FUT9: variants seen among roughly 807,000 people sequenced by gnomAD.
FUT9 encodes the protein 4-galactosyl-N-acetylglucosaminide 3-alpha-L-fucosyltransferase 9.
FUT9 carries 15 observed loss-of-function variants against 29.7 expected under a neutral mutation model. The observed-to-expected ratio is 0.51, with a 90% CI of 0.34 to 0.78. FUT9 has a LOEUF of 0.78. FUT9 is among the 30% of genes least tolerant of loss of function. The probability of loss-of-function intolerance (pLI) is 0.01; values close to 1 mark genes in which losing one functional copy is unlikely to be tolerated. For missense variants in FUT9, 319 were observed against 425.4 expected (o/e 0.75, Z 2.20); for synonymous variants, 169 against 153.7 (o/e 1.10, Z -0.74).
intron 1 of FUT9, among the ~76,000 whole-genome samples, chr6:96,029,288 G>A (rs549986811): frequency 6.6e-6 from 1 of 151,516 alleles, no homozygotes; most frequent in Non-Finnish European, 1.5e-5. Context: ...AATCCCTGAC[G>A]CAAGGGTAGT....
At chr6:96,181,181 A>T (rs1464451721) in intron 2 of FUT9, among the ~76,000 whole-genome samples, 1 of 152,066 alleles carries the variant, frequency 6.6e-6, no homozygotes, top group South Asian at 2.1e-4. Flanking sequence ...AGTTAATATA[A>T]AAATCACATT....
intron 2 of FUT9, among the ~76,000 whole-genome samples, chr6:96,143,336 T>G (rs1772501010): frequency 6.6e-6 from 1 of 152,348 alleles, no homozygotes; most frequent in South Asian, 2.1e-4. Context: ...ATTTTGGTTG[T>G]TTCTAAGACA....
chr6:96,031,965 G>A (rs1453814948), intron 1 of FUT9, among the ~76,000 whole-genome samples: 1 of 151,516 alleles, frequency 6.6e-6, no homozygotes, highest in Non-Finnish European at 1.5e-5. Context: ...GTGGCCTATG[G>A]CTTTCCAGTT....
chr6:96,080,569 G>A (rs578118183), intron 1 of FUT9, among the ~76,000 whole-genome samples: 3 of 151,922 alleles, frequency 2.0e-5, no homozygotes, highest in African/African-American at 7.2e-5. Flanking sequence ...ATAAAAATAA[G>A]GTATTTAAAT....
At chr6:96,017,444 T>C (rs1034442743) in intron 1 of FUT9, among the ~76,000 whole-genome samples, 2 of 152,202 alleles carry the variant, frequency 1.3e-5, no homozygotes, top group African/African-American at 2.4e-5. Flanking sequence ...TTGTGTTCGA[T>C]GAATGAATAT....
At chr6:96,099,499 A>G (rs1475474263) in intron 1 of FUT9, among the ~76,000 whole-genome samples, 1 of 152,078 alleles carries the variant, frequency 6.6e-6, no homozygotes, top group African/African-American at 2.4e-5. Context: ...AACACTTCAG[A>G]AAAATAGTTG....
intron 2 of FUT9, among the ~76,000 whole-genome samples, chr6:96,165,171 C>T (rs1044437659): frequency 2.6e-5 from 4 of 152,144 alleles, no homozygotes; most frequent in African/African-American, 7.2e-5. Context: ...GTGGTTCACA[C>T]CTGTAATCCC....
intron 2 of FUT9, among the ~76,000 whole-genome samples, 155 bp downstream of exon 2, chr6:96,114,282 CT>C (rs1180597243): frequency 6.6e-6 from 1 of 151,944 alleles, no homozygotes; most frequent in Non-Finnish European, 1.5e-5. Context: ...ATGAGGAGAT[CT>C]TTTATAAACT....
At chr6:96,021,410 C>T (rs967612477) in intron 1 of FUT9, among the ~76,000 whole-genome samples, 7 of 151,708 alleles carry the variant, frequency 4.6e-5, no homozygotes, top group Admixed American at 6.6e-5. Context: ...GGAAATGTAA[C>T]TAAGTATATA....
At chr6:96,114,923 T>G (rs1771882469) in intron 2 of FUT9, among the ~76,000 whole-genome samples, 1 of 152,172 alleles carries the variant, frequency 6.6e-6, no homozygotes, top group South Asian at 2.1e-4. Context: ...GTTTAGGGTG[T>G]CAGGAGATGC....
At chr6:96,043,329 C>T (rs1770502832) in intron 1 of FUT9, among the ~76,000 whole-genome samples, 2 of 152,162 alleles carry the variant, frequency 1.3e-5, no homozygotes. Flanking sequence ...GGATTACAGG[C>T]GTGAGCCACC....
rs1773956868 is a variant in FUT9, at chr6:96,212,491, A to T, written c.*8256A>T. On this transcript the variant is annotated 3_prime_UTR_variant, in exon 3 of 3. Transcript: ENST00000302103. ...TGTGATTTTAAAATAATTAATCAAAAAACAAAGACTATCATATTTGAGAAC... is the reference window on the plus strand; with the variant it reads ...TGTGATTTTAAAATAATTAATCAAATAACAAAGACTATCATATTTGAGAAC... 5 of 409,308 alleles carry T rather than the reference A, an allele frequency of 1.2e-5. No homozygotes were observed. The highest frequency in any genetic ancestry group is 1.8e-5 in the Non-Finnish European group (4 of 223,718). The allele number at this position is 409,308 out of a possible 1,614,324, so 25.4% of individuals were successfully genotyped here.
intron 2 of FUT9, among the ~76,000 whole-genome samples, chr6:96,150,222 T>C (rs953933630): frequency 7.9e-5 from 12 of 152,062 alleles, no homozygotes; most frequent in Non-Finnish European, 1.8e-4. Flanking sequence ...AAAATGACAT[T>C]AGAATTCAGA....
At chr6:96,070,636 G>A (rs1427130855) in intron 1 of FUT9, among the ~76,000 whole-genome samples, 2 of 152,022 alleles carry the variant, frequency 1.3e-5, no homozygotes, top group Admixed American at 6.6e-5. Context: ...ACAGTGAGCC[G>A]AGATTGTGCC....
At chr6:96,190,742 T>C (rs1051909303) in intron 2 of FUT9, among the ~76,000 whole-genome samples, 2 of 152,228 alleles carry the variant, frequency 1.3e-5, no homozygotes, top group African/African-American at 4.8e-5. Flanking sequence ...TCTTGTGCCA[T>C]GGTTTTCCGC....
chr6:96,183,186 A>T (rs1040813524), intron 2 of FUT9, among the ~76,000 whole-genome samples: 4 of 151,250 alleles, frequency 2.6e-5, no homozygotes, highest in Non-Finnish European at 5.9e-5. Context: ...TAAGTATTTC[A>T]TTTTTTTTAT....
chr6:96,188,147 T>G (rs189238587), intron 2 of FUT9, among the ~76,000 whole-genome samples: 158 of 152,278 alleles, frequency 1.0e-3, no homozygotes, highest in African/African-American at 3.7e-3. Context: ...TTTGTTCTAA[T>G]TAACAATGAC....
chr6:96,211,845 G>A lies in FUT9; in HGVS notation c.*7610G>A, dbSNP rs927868536. The stretch of plus-strand genomic sequence containing the variant: ...AAAGAGTATTAGAAATGTCTGTTAT[G>A]TCAGTAACATTAGAAAACTTCAAAA... On this transcript the variant is annotated 3_prime_UTR_variant, in exon 3 of 3. Coordinates refer to ENST00000302103, the MANE Select transcript of FUT9 (RefSeq NM_006581.4). 1 of 364,062 alleles carries A rather than the reference G, an allele frequency of 2.7e-6. No individual in the cohort carries two copies. The highest frequency in any genetic ancestry group is 2.1e-5 in the African/African-American group (1 of 47,554). The allele number at this position is 364,062 out of a possible 1,614,324, so 22.6% of individuals were successfully genotyped here. A position where few individuals can be genotyped will look rare whatever the true frequency, so the allele number is the denominator to read the frequency against.
chr6:96,193,098 C>T (rs1392155457), intron 2 of FUT9, among the ~76,000 whole-genome samples: 3 of 150,324 alleles, frequency 2.0e-5, no homozygotes, highest in African/African-American at 4.9e-5. Context: ...ACCATAAAAA[C>T]CCTAGAAGAA....
Sources: gnomAD v4.1 joint callset for allele counts (sites outside exome capture counted in the v4.1 genomes callset) on GRCh38, gnomAD v4.1.1 for gene constraint, MANE v1.5 for transcripts, NCBI Gene and HGNC (gene_info 2026-07-23, HGNC 2026-07-21) for gene names.